The following PITPNM3 variants were observed in gnomAD, a reference collection of about 807,000 sequenced individuals.
PITPNM3 encodes the protein membrane-associated phosphatidylinositol transfer protein 3.
PITPNM3 carries 26 observed loss-of-function variants against 102.0 expected under a neutral mutation model. That is an observed-to-expected ratio of 0.25 (90% CI 0.19 to 0.35). The LOEUF (loss-of-function observed/expected upper bound fraction) is 0.35, where lower values mean the gene tolerates loss of function less well. Ranked by LOEUF, PITPNM3 falls within the 10% of genes least tolerant of loss-of-function variation. The pLI, the probability that PITPNM3 is intolerant of heterozygous loss-of-function variation, is 1.00. For synonymous variants in PITPNM3, 578 were observed against 558.6 expected (o/e 1.03, Z -0.49); for missense variants, 1,083 against 1,346.1 (o/e 0.80, Z 3.06).
chr17:6,518,870 G>C (rs1391478288), intron 3 of PITPNM3, among the ~76,000 whole-genome samples: 1 of 152,164 alleles, frequency 6.6e-6, no homozygotes, highest in Non-Finnish European at 1.5e-5. Flanking sequence ...ATCCTAGGGC[G>C]AGGGCCATGT....
intron 2 of PITPNM3, among the ~76,000 whole-genome samples, chr17:6,534,731 A>G (rs2150660028): frequency 6.6e-6 from 1 of 152,006 alleles, no homozygotes; most frequent in East Asian, 1.9e-4. Flanking sequence ...AGTTTCTTCC[A>G]GTGTAGACGC....
At chr17:6,520,514 G>C (rs1277386920) in intron 3 of PITPNM3, among the ~76,000 whole-genome samples, 4 of 152,156 alleles carry the variant, frequency 2.6e-5, no homozygotes, top group Non-Finnish European at 5.9e-5. Context: ...TGAGGGAAGA[G>C]GTAAGTTGCA....
intron 4 of PITPNM3, among the ~76,000 whole-genome samples, chr17:6,493,251 G>T (rs1906601226): frequency 6.6e-6 from 1 of 152,210 alleles, no homozygotes; most frequent in African/African-American, 2.4e-5. Context: ...TCCCTGCCCT[G>T]CCCCTGCAGC....
rs757934872 is a variant in PITPNM3 at position 6,455,456 on chromosome 17, G to A, written c.2807C>T (p.Ala936Val). The change falls in exon 20 of 20, where the codon GCC becomes GTC. Residue 936 changes from alanine to valine, a missense_variant. Around this residue, in one of 5 missense-constraint regions of PITPNM3, gnomAD observed 208 missense variants for 178.2 expected, o/e 1.17. Coordinates refer to ENST00000262483, the MANE Select transcript of PITPNM3 (RefSeq NM_031220.4). Reference protein sequence around the residue: ...TMSVQQPDPPAANPKPERAQS... With the variant: ...TMSVQQPDPPVANPKPERAQS... The stretch of plus-strand genomic sequence containing the variant: ...GGCCCGCTCGGGCTTGGGGTTGGCG[G>A]CGGGCGGGTCGGGCTGCTGCACTGA... The A allele has an allele frequency of 5.0e-6, 8 of 1,604,228 alleles. No homozygotes were observed. In the South Asian group the frequency reaches 8.8e-5, roughly 18 times the overall value.
intron 2 of PITPNM3, among the ~76,000 whole-genome samples, chr17:6,535,601 G>C (rs148976909): frequency 3.7e-4 from 57 of 152,010 alleles, no homozygotes; most frequent in African/African-American, 1.3e-3. Context: ...GGGAGAGTCT[G>C]GGATCCCGAA....
intron 3 of PITPNM3, among the ~76,000 whole-genome samples, chr17:6,515,905 G>A (rs1279817036): frequency 6.6e-6 from 1 of 152,132 alleles, no homozygotes. Context: ...CCCAGGCCTG[G>A]CACAGTGACA....
intron 2 of PITPNM3, among the ~76,000 whole-genome samples, chr17:6,527,728 G>A (rs954487278): frequency 2.6e-5 from 4 of 152,208 alleles, no homozygotes; most frequent in African/African-American, 9.7e-5. Context: ...ACTGTGTGCA[G>A]GGTGAGACAC....
At chr17:6,553,496 C>A (rs1397869787) in intron 1 of PITPNM3, among the ~76,000 whole-genome samples, 1 of 152,222 alleles carries the variant, frequency 6.6e-6, no homozygotes, top group Non-Finnish European at 1.5e-5. Flanking sequence ...ACAGCCATGA[C>A]CTGCTGCTCA....
Position 6,483,633 on chromosome 17 carries a change from G to A in PITPNM3, c.471C>T (p.Phe157=). ...PSCKAADIHT[F]SSVLEKVTRA... is the part of the protein sequence containing the mutation. Reference sequence around the variant, plus strand: ...GTGTGACCTTCTCCAGCACGGAGCTGAAGGTGTGGATGTCGGCTGCCTTGC... The same window carrying A: ...GTGTGACCTTCTCCAGCACGGAGCTAAAGGTGTGGATGTCGGCTGCCTTGC... The change falls in exon 6 of 20, where the codon TTC becomes TTT. Residue 157 remains phenylalanine (F), a synonymous_variant. Transcript: ENST00000262483. The A allele has an allele frequency of 1.2e-6, 2 of 1,614,140 alleles. No homozygotes were observed. The highest frequency in any genetic ancestry group is 1.7e-6 in the Non-Finnish European group (2 of 1,180,034).
At chr17:6,544,138 T>C (rs1166538630) in intron 1 of PITPNM3, among the ~76,000 whole-genome samples, 4 of 152,212 alleles carry the variant, frequency 2.6e-5, no homozygotes, top group Admixed American at 2.0e-4. Context: ...TACTGGCCTG[T>C]GGCCACAGCT....
rs866829595 is a variant in PITPNM3 at position 6,554,355 on chromosome 17, T to C, written c.22+2030A>G. 4.9e-4 allele frequency among the ~76,000 whole-genome samples: 73 copies of C among 148,280 alleles called. No individual in the cohort carries two copies. The Middle Eastern group carries it at 0.011, about 21-fold the overall frequency. ...AAAAAAAAAAGGAGAGAAGGGACATTTACAAAATGCAGAGGAGCCTGGGAG... is the reference window on the plus strand; with the variant it reads ...AAAAAAAAAAGGAGAGAAGGGACATCTACAAAATGCAGAGGAGCCTGGGAG... On this transcript the variant is annotated intron_variant, in intron 1 of 19. Transcript: ENST00000262483.
chr17:6,471,738 C>T (rs1200814537), intron 11 of PITPNM3, among the ~76,000 whole-genome samples: 3 of 152,124 alleles, frequency 2.0e-5, no homozygotes, highest in Non-Finnish European at 4.4e-5. Context: ...CCAACTCCTC[C>T]CCTGCGCCAC....
rs746540071 is a variant in PITPNM3, at chr17:6,455,458, G to A, written c.2805C>T (p.Pro935=). 1.4e-5 allele frequency: 23 copies of A among 1,604,208 alleles called. No homozygotes were observed. In the South Asian group the frequency reaches 2.3e-4, roughly 16 times the overall value. The part of the protein sequence containing the change: ...RTMSVQQPDP[P]AANPKPERAQ... ...CCCGCTCGGGCTTGGGGTTGGCGGC[G>A]GGCGGGTCGGGCTGCTGCACTGACA... The change falls in exon 20 of 20, where the codon CCC becomes CCT. Residue 935 remains proline (P), a synonymous_variant. Transcript: ENST00000262483.
At chr17:6,501,217 T>C (rs1270781119) in intron 4 of PITPNM3, among the ~76,000 whole-genome samples, 2 of 152,120 alleles carry the variant, frequency 1.3e-5, no homozygotes, top group African/African-American at 4.8e-5. Context: ...GAAGGGGAGA[T>C]GATTGGTTCT....
chr17:6,487,369 A>G (rs1462795190), intron 4 of PITPNM3, among the ~76,000 whole-genome samples: 2 of 152,148 alleles, frequency 1.3e-5, no homozygotes, highest in Non-Finnish European at 2.9e-5. Context: ...GAAGTGTCAC[A>G]TGGGTTAGCG....
intron 3 of PITPNM3, among the ~76,000 whole-genome samples, chr17:6,521,762 C>A (rs1908537575): frequency 6.6e-6 from 1 of 152,082 alleles, no homozygotes; most frequent in Admixed American, 6.6e-5. Flanking sequence ...TAGAGGAGAT[C>A]CGTGAATCCC....
Position 6,471,365 on chromosome 17 carries a change from G to A in PITPNM3, c.1430-10C>T. ...GTGTGTAGGGCATCAGCTGGAGGGG[G>A]AATTTCAAGGTCAGGCTGAGTCACG... On this transcript the variant is annotated splice_polypyrimidine_tract_variant and intron_variant, in intron 11 of 19. Coordinates refer to ENST00000262483, the MANE Select transcript of PITPNM3 (RefSeq NM_031220.4). 6.4e-7 allele frequency: 1 copy of A among 1,573,810 alleles called. No individual in the cohort carries two copies. The highest frequency in any genetic ancestry group is 1.1e-5 in the South Asian group (1 of 87,822).
At chr17:6,498,457 C>T (rs1906972154) in intron 4 of PITPNM3, among the ~76,000 whole-genome samples, 1 of 152,226 alleles carries the variant, frequency 6.6e-6, no homozygotes, top group South Asian at 2.1e-4. Flanking sequence ...AAAGCAGGGG[C>T]TGTGAGAACC....
At chr17:6,492,318 C>T (rs1370987974) in intron 4 of PITPNM3, among the ~76,000 whole-genome samples, 1 of 152,044 alleles carries the variant, frequency 6.6e-6, no homozygotes, top group Non-Finnish European at 1.5e-5. Context: ...CCACCTCAGC[C>T]TCCCAAAGTG....
Sources: allele counts gnomAD v4.1 joint callset (sites outside exome capture counted in the v4.1 genomes callset), GRCh38; gene constraint gnomAD v4.1.1; regional missense constraint gnomAD v4.1.1; transcripts MANE v1.5; gene names NCBI Gene and HGNC (gene_info 2026-07-23, HGNC 2026-07-21).